Variants in LRIG1 observed in about 807,000 individuals in gnomAD.
LRIG1 encodes the protein leucine rich repeats and immunoglobulin like domains 1, also known as leucine-rich repeats and immunoglobulin-like domains protein 1.
A neutral mutation model predicts 99.2 loss-of-function variants in LRIG1; 48 were observed. That is an observed-to-expected ratio of 0.48 (90% CI 0.38 to 0.62). The LOEUF (loss-of-function observed/expected upper bound fraction) is 0.62. Ranked by LOEUF, LRIG1 falls within the 20% of genes least tolerant of loss-of-function variation. The probability of loss-of-function intolerance (pLI) is 0.00; values close to 1 mark genes in which losing one functional copy is unlikely to be tolerated. For synonymous variants in LRIG1, 772 were observed against 596.1 expected (o/e 1.29, Z -4.30); for missense variants, 1,646 against 1,434.4 (o/e 1.15, Z -2.38).
In LRIG1 at chr3:66,383,300, T is replaced by A; in HGVS notation, c.2173A>T (p.Thr725Ser). 6.2e-7 allele frequency: 1 copy of A among 1,610,390 alleles called. No homozygotes were observed. Among genetic ancestry groups the A allele is most frequent in the Non-Finnish European group, 8.5e-7 (1 of 1,176,910 alleles). Reference sequence around the variant, plus strand: ...AGCGGGCGGTCCCCCTTGAACCAGGTGATGCGGGGCGGAGGGTTCCCCGTG... The same window carrying A: ...AGCGGGCGGTCCCCCTTGAACCAGGAGATGCGGGGCGGAGGGTTCCCCGTG... ...KATGNPPPRI[T>S]WFKGDRPLSL... is the part of the protein sequence containing the mutation. Residue 725 changes from threonine (T) to serine (S), a missense_variant, in exon 15 of 19, where the codon ACC (threonine) becomes TCC (serine). Coordinates refer to ENST00000273261, the MANE Select transcript of LRIG1 (RefSeq NM_015541.3).
In LRIG1 at chr3:66,399,024, T is replaced by A; in HGVS notation, c.1178A>T (p.Lys393Met). 1 of 1,614,164 alleles carries A rather than the reference T, an allele frequency of 6.2e-7. No homozygotes were observed. The highest frequency in any genetic ancestry group is 8.5e-7 in the Non-Finnish European group (1 of 1,180,008). ...SLSKLTLFGN[K>M]IKSVAKRAFS... Reference sequence around the variant, plus strand: ...TGCTCTCTTAGCCACAGACTTGATCTTGTTTCCAAACAGAGTCCTGTAGTT... The same window carrying A: ...TGCTCTCTTAGCCACAGACTTGATCATGTTTCCAAACAGAGTCCTGTAGTT... Residue 393 changes from lysine to methionine, a missense_variant, in exon 10 of 19, where the codon AAG (lysine) becomes ATG (methionine). Physicochemically the swap from Lys to Met is moderately conservative, Grantham distance 95 (BLOSUM62 -1). Transcript: ENST00000273261.
At chr3:66,478,427 G>A (rs907326325) in intron 1 of LRIG1, among the ~76,000 whole-genome samples, 2 of 152,128 alleles carry the variant, frequency 1.3e-5, no homozygotes, top group African/African-American at 2.4e-5. Context: ...AAAACCCAAC[G>A]GTAACTCACA....
chr3:66,397,809 G>A (rs912652290), intron 11 of LRIG1, among the ~76,000 whole-genome samples: 6 of 152,244 alleles, frequency 3.9e-5, no homozygotes, highest in African/African-American at 1.2e-4. Flanking sequence ...CTTTATAGAG[G>A]AGAGTATATT....
intron 1 of LRIG1, among the ~76,000 whole-genome samples, chr3:66,463,781 T>C (rs1700410014): frequency 6.6e-6 from 1 of 152,208 alleles, no homozygotes; most frequent in South Asian, 2.1e-4. Flanking sequence ...GGCAACAATC[T>C]TTTAAACTTA....
At chr3:66,481,079 G>A (rs1700840751) in intron 1 of LRIG1, among the ~76,000 whole-genome samples, 1 of 152,088 alleles carries the variant, frequency 6.6e-6, no homozygotes, top group South Asian at 2.1e-4. Flanking sequence ...AATGGCCAAC[G>A]GTCCCCCTGC....
At chr3:66,450,166 C>T (rs1415406983) in intron 3 of LRIG1, among the ~76,000 whole-genome samples, 1 of 152,150 alleles carries the variant, frequency 6.6e-6, no homozygotes, top group Non-Finnish European at 1.5e-5. Context: ...GACCTTTACC[C>T]ATCAAGGGAA....
intron 3 of LRIG1, among the ~76,000 whole-genome samples, chr3:66,448,673 T>C (rs1373689503): frequency 1.3e-5 from 2 of 152,206 alleles, no homozygotes; most frequent in African/African-American, 4.8e-5. Context: ...CATCTACCTA[T>C]AAACTTGTCC....
Position 66,473,269 on chromosome 3 carries a change from A to C in LRIG1, c.219-10760T>G, listed in dbSNP as rs62243263. Among the ~76,000 whole-genome samples the C allele has an allele frequency of 8.0e-3, 1,224 of 152,376 alleles. 8 individuals carry two copies. The highest frequency in any genetic ancestry group is 0.017 in the African/African-American group (693 of 41,588). Reference sequence around the variant, plus strand: ...CAAAAAATTTTAAGGGACAAATGACATAAGTGGGTGTAACTACCTTTCCAG... The same window carrying C: ...CAAAAAATTTTAAGGGACAAATGACCTAAGTGGGTGTAACTACCTTTCCAG... On this transcript the variant is annotated intron_variant, in intron 1 of 18. Coordinates refer to ENST00000273261, the MANE Select transcript of LRIG1 (RefSeq NM_015541.3).
At chr3:66,392,544 A>C (rs783133) in intron 12 of LRIG1, among the ~76,000 whole-genome samples, 10,951 of 150,706 alleles carry the variant, frequency 0.073, 524 homozygotes, top group African/African-American at 0.13. Flanking sequence ...ATAAAGCCTG[A>C]AACCTTGATC....
At chr3:66,402,288 A>C (rs776807052) in intron 9 of LRIG1, among the ~76,000 whole-genome samples, 18 of 152,184 alleles carry the variant, frequency 1.2e-4, no homozygotes, top group Admixed American at 2.0e-4. Context: ...GGAACCGCAC[A>C]ACCATTTGGA....
intron 1 of LRIG1, among the ~76,000 whole-genome samples, chr3:66,486,985 AGATC>A (rs1232590780): frequency 1.3e-5 from 2 of 152,222 alleles, no homozygotes; most frequent in African/African-American, 4.8e-5. Flanking sequence ...AAACTTGCCT[AGATC>A]TGCTTTGCTC....
chr3:66,476,895 G>C (rs575516610), intron 1 of LRIG1, among the ~76,000 whole-genome samples: 243 of 152,264 alleles, frequency 1.6e-3, no homozygotes, highest in Non-Finnish European at 2.8e-3. Flanking sequence ...ATCCCAGCAG[G>C]CTGCAAAACA....
chr3:66,448,666 C>T (rs1310055854), intron 3 of LRIG1, among the ~76,000 whole-genome samples: 1 of 152,206 alleles, frequency 6.6e-6, no homozygotes, highest in Non-Finnish European at 1.5e-5. Flanking sequence ...TGTGATGCAT[C>T]TACCTATAAA....
chr3:66,453,867 G>A (rs529732246), intron 2 of LRIG1, among the ~76,000 whole-genome samples: 1 of 152,342 alleles, frequency 6.6e-6, no homozygotes, highest in Admixed American at 6.5e-5. Flanking sequence ...CGCCTGATGA[G>A]CCTGGTCTCA....
intron 3 of LRIG1, among the ~76,000 whole-genome samples, chr3:66,425,910 G>C (rs773087352): frequency 1.3e-5 from 2 of 152,242 alleles, no homozygotes; most frequent in Non-Finnish European, 2.9e-5. Context: ...TACATTTTCA[G>C]AGCTGATGTT....
At chr3:66,492,210 T>C (rs1701116940) in intron 1 of LRIG1, among the ~76,000 whole-genome samples, 2 of 152,216 alleles carry the variant, frequency 1.3e-5, no homozygotes, top group South Asian at 4.1e-4. Flanking sequence ...AGTTCAGAAG[T>C]GTTCAATCCT....
chr3:66,482,179 G>A (rs935702963), intron 1 of LRIG1, among the ~76,000 whole-genome samples: 7 of 152,204 alleles, frequency 4.6e-5, no homozygotes, highest in Admixed American at 6.5e-5. Flanking sequence ...CGCAACACGC[G>A]TCCACATCTG....
chr3:66,423,239 T>C (rs542775613), intron 3 of LRIG1, among the ~76,000 whole-genome samples: 2 of 152,222 alleles, frequency 1.3e-5, no homozygotes, highest in Non-Finnish European at 2.9e-5. Context: ...ATACTTCAGA[T>C]GGTAAATTTT....
At chr3:66,394,427 G>C (rs1471006632) in intron 11 of LRIG1, among the ~76,000 whole-genome samples, 1 of 152,212 alleles carries the variant, frequency 6.6e-6, no homozygotes, top group Admixed American at 6.5e-5. Flanking sequence ...GGGTGGGTCA[G>C]GAGTGGAACC....
Sources: gnomAD v4.1 joint callset for allele counts (sites outside exome capture counted in the v4.1 genomes callset) on GRCh38, gnomAD v4.1.1 for gene constraint, MANE v1.5 for transcripts, NCBI Gene and HGNC (gene_info 2026-07-23, HGNC 2026-07-21) for gene names.